Variants in FUT9 observed in about 807,000 individuals in gnomAD.
The protein encoded by FUT9 is fucosyltransferase 9, also known as 4-galactosyl-N-acetylglucosaminide 3-alpha-L-fucosyltransferase 9.
In FUT9, 15 loss-of-function variants were observed where a neutral mutation model predicts 29.7. That is an observed-to-expected ratio of 0.51 (90% CI 0.34 to 0.78). The LOEUF is 0.78. Among genes scored for constraint, FUT9 ranks in the 30% least tolerant of loss-of-function variants. The probability of loss-of-function intolerance (pLI) is 0.01; values close to 1 mark genes in which losing one functional copy is unlikely to be tolerated. For missense variants in FUT9, 319 were observed against 425.4 expected (o/e 0.75, Z 2.20); for synonymous variants, 169 against 153.7 (o/e 1.10, Z -0.74).
At chr6:96,100,943 A>G (rs1347059154) in intron 1 of FUT9, among the ~76,000 whole-genome samples, 2 of 152,176 alleles carry the variant, frequency 1.3e-5, no homozygotes, top group Non-Finnish European at 2.9e-5. Context: ...TTTGAATGAA[A>G]ATGGAAGTTT....
At chr6:96,032,443 C>T (rs1286117558) in intron 1 of FUT9, among the ~76,000 whole-genome samples, 4 of 151,078 alleles carry the variant, frequency 2.6e-5, no homozygotes, top group African/African-American at 9.7e-5. Flanking sequence ...GTAAAGGACA[C>T]TAGAAAGAAA....
rs546803456 is a variant in FUT9 at position 96,182,270 on chromosome 6, T to C, written c.-8-20878T>C. On this transcript the variant is annotated intron_variant, in intron 2 of 2. Coordinates refer to ENST00000302103, the MANE Select transcript of FUT9 (RefSeq NM_006581.4). ...GTCCTTAGCCCACTTTTTGATGGAA[T>C]TGTTTTTTTCTTGCTAATTTGTTTG... Among the ~76,000 whole-genome samples, 5 of 152,170 alleles carry C rather than the reference T, an allele frequency of 3.3e-5. No homozygotes were observed. The South Asian group carries it at 8.3e-4, about 25-fold the overall frequency.
chr6:96,124,883 A>G (rs769051996), intron 2 of FUT9, among the ~76,000 whole-genome samples: 1 of 152,196 alleles, frequency 6.6e-6, no homozygotes, highest in Non-Finnish European at 1.5e-5. Context: ...CGTCCTGGTT[A>G]ACTTATTCCA....
At chr6:96,169,940 A>C (rs2127982662) in intron 2 of FUT9, among the ~76,000 whole-genome samples, 1 of 152,308 alleles carries the variant, frequency 6.6e-6, no homozygotes, top group Non-Finnish European at 1.5e-5. Flanking sequence ...TAGCCTGTGA[A>C]CAGGTTATTT....
chr6:96,029,501 AGTCTT>A (rs940145009), intron 1 of FUT9, among the ~76,000 whole-genome samples: 1 of 151,584 alleles, frequency 6.6e-6, no homozygotes, highest in African/African-American at 2.4e-5. Context: ...AGGAATGTGA[AGTCTT>A]TGGCATCCTG....
chr6:96,190,626 A>G (rs1445237210), intron 2 of FUT9, among the ~76,000 whole-genome samples: 1 of 151,930 alleles, frequency 6.6e-6, no homozygotes, highest in Non-Finnish European at 1.5e-5. Flanking sequence ...TTTTTTCTCT[A>G]AACTTCTCTT....
At chr6:96,155,500 C>T (rs1772763909) in intron 2 of FUT9, among the ~76,000 whole-genome samples, 1 of 151,558 alleles carries the variant, frequency 6.6e-6, no homozygotes, top group Non-Finnish European at 1.5e-5. Context: ...GGTGAAACCC[C>T]GTCTCTACTA....
At position 96,127,062 on chromosome 6, in the gene FUT9, G is replaced by A. The variant is rs542519128; in HGVS notation, c.-9+12935G>A. Among the ~76,000 whole-genome samples, 43 of 152,188 alleles carry A rather than the reference G, an allele frequency of 2.8e-4. No homozygotes were observed. In the South Asian group the frequency reaches 2.9e-3, roughly 10 times the overall value. On this transcript the variant is annotated intron_variant, in intron 2 of 2. Transcript: ENST00000302103. ...TTAAACATTTATTGGAGGTCCAGGG[G>A]TACACGTGCAGGTTTGTTAGATAGG...
intron 2 of FUT9, among the ~76,000 whole-genome samples, chr6:96,189,623 G>A (rs4288214): frequency 6.6e-6 from 1 of 151,714 alleles, no homozygotes; most frequent in Non-Finnish European, 1.5e-5. Context: ...AGGATAGTTA[G>A]CTCTTCTTGT....
chr6:96,199,999 T>C (rs1773699528), intron 2 of FUT9, among the ~76,000 whole-genome samples: 1 of 152,190 alleles, frequency 6.6e-6, no homozygotes, highest in Non-Finnish European at 1.5e-5. Flanking sequence ...AAAATGTTAA[T>C]TATCAAGTGC....
At chr6:96,145,206 C>T (rs979591797) in intron 2 of FUT9, among the ~76,000 whole-genome samples, 4 of 152,062 alleles carry the variant, frequency 2.6e-5, no homozygotes, top group Non-Finnish European at 5.9e-5. Flanking sequence ...TACAGGTGCC[C>T]GCTGCCAATC....
At position 96,181,986 on chromosome 6, in the gene FUT9, C is replaced by T. The variant is rs535365392; in HGVS notation, c.-8-21162C>T. Among the ~76,000 whole-genome samples, 3 of 152,162 alleles carry T rather than the reference C, an allele frequency of 2.0e-5. No individual in the cohort carries two copies. In the South Asian group the frequency reaches 6.2e-4, roughly 32 times the overall value. ...TCAAATGGTAGTCCTACTTTTAGTT[C>T]TTTAAGGAATCTCCACACTGTTTGC... is the stretch of plus-strand genomic sequence containing the variant. On this transcript the variant is annotated intron_variant, in intron 2 of 2. Transcript: ENST00000302103.
chr6:96,070,149 G>T (rs1228350027), intron 1 of FUT9, among the ~76,000 whole-genome samples: 1 of 152,110 alleles, frequency 6.6e-6, no homozygotes, highest in Non-Finnish European at 1.5e-5. Context: ...TTGTTGATGA[G>T]CTGATAAGTG....
At chr6:96,141,418 T>G (rs1370082580) in intron 2 of FUT9, among the ~76,000 whole-genome samples, 1 of 152,128 alleles carries the variant, frequency 6.6e-6, no homozygotes, top group African/African-American at 2.4e-5. Flanking sequence ...CACAAAATGG[T>G]TTGGTAAGTC....
chr6:96,186,462 C>A (rs572815335), intron 2 of FUT9, among the ~76,000 whole-genome samples: 1 of 152,096 alleles, frequency 6.6e-6, no homozygotes, highest in Non-Finnish European at 1.5e-5. Context: ...AGTATGTTAA[C>A]GTCCCTGATA....
At chr6:96,161,368 T>A (rs531274414) in intron 2 of FUT9, among the ~76,000 whole-genome samples, 2 of 152,280 alleles carry the variant, frequency 1.3e-5, no homozygotes, top group African/African-American at 4.8e-5. Flanking sequence ...AGACACCAAA[T>A]CTGCCAGCAC....
Position 96,209,637 on chromosome 6 carries a change from T to G in FUT9, c.*5402T>G, listed in dbSNP as rs1200694570. On this transcript the variant is annotated 3_prime_UTR_variant, in exon 3 of 3. Coordinates refer to ENST00000302103, the MANE Select transcript of FUT9 (RefSeq NM_006581.4). ...AACAATAAAATAGCATAATTTTAAGTAAGCTAGATTGAGTTCATTTGAACA... is the reference window on the plus strand; with the variant it reads ...AACAATAAAATAGCATAATTTTAAGGAAGCTAGATTGAGTTCATTTGAACA... The G allele has an allele frequency of 1.2e-5, 2 of 166,910 alleles. No homozygotes were observed. Among genetic ancestry groups the G allele is most frequent in the Admixed American group, 6.6e-5 (1 of 15,250 alleles). 10.3% of individuals were successfully genotyped at this position (166,910 alleles called of 1,614,324 possible).
intron 2 of FUT9, among the ~76,000 whole-genome samples, chr6:96,192,337 T>C (rs974552541): frequency 5.3e-5 from 8 of 152,116 alleles, no homozygotes; most frequent in African/African-American, 1.4e-4. Context: ...CTTAAGCTGA[T>C]AGCAACTTCA....
At chr6:96,193,552 A>G (rs1773561456) in intron 2 of FUT9, among the ~76,000 whole-genome samples, 1 of 151,792 alleles carries the variant, frequency 6.6e-6, no homozygotes, top group Admixed American at 6.6e-5. Context: ...ATCAGGAAAC[A>G]ACAAGTGCTG....
Sources: allele counts gnomAD v4.1 joint callset (sites outside exome capture counted in the v4.1 genomes callset), GRCh38; gene constraint gnomAD v4.1.1; transcripts MANE v1.5; gene names NCBI Gene and HGNC (gene_info 2026-07-23, HGNC 2026-07-21).